Variants in ITGA1 observed in about 807,000 individuals in gnomAD.
The protein encoded by ITGA1 is integrin subunit alpha 1, also known as integrin alpha-1.
In ITGA1, 85 loss-of-function variants were observed where a neutral mutation model predicts 145.9. That is an observed-to-expected ratio of 0.58 (90% CI 0.49 to 0.70). The LOEUF is 0.70. Ranked by LOEUF, ITGA1 falls within the 30% of genes least tolerant of loss-of-function variation. ITGA1 has a pLI of 0.00. For missense variants in ITGA1, 1,351 were observed against 1,418.7 expected, an observed-to-expected ratio of 0.95 and a Z score of 0.77; for synonymous variants, 520 against 495.3, an observed-to-expected ratio of 1.05 and a Z score of -0.66.
At chr5:52,839,088 C>A (rs1180583987) in intron 1 of ITGA1, among the ~76,000 whole-genome samples, 3 of 152,080 alleles carry the variant, frequency 2.0e-5, no homozygotes, top group Non-Finnish European at 2.9e-5. Context: ...CTGAGTGAGA[C>A]CCTGCCTCAA....
Position 52,819,695 on chromosome 5 carries a change from C to T in ITGA1, c.62-29670C>T, listed in dbSNP as rs868128444. 7.0e-3 allele frequency among the ~76,000 whole-genome samples: 1,059 copies of T among 152,112 alleles called. 11 individuals are homozygous for T. Among genetic ancestry groups the T allele is most frequent in the African/African-American group, 0.024 (983 of 41,492 alleles). ...TGTTGGCTTTTGTTGCCATTGCTTT[C>T]GGTGTTTTAGACATGAAGTCCTTGC... On this transcript the variant is annotated intron_variant, in intron 1 of 28. Transcript: ENST00000282588.
chr5:52,832,225 C>T (rs1561221483), intron 1 of ITGA1, among the ~76,000 whole-genome samples: 1 of 152,118 alleles, frequency 6.6e-6, no homozygotes, highest in East Asian at 1.9e-4. Context: ...CTACTCCAGG[C>T]TGCCAACCTG....
chr5:52,931,750 C>A, intron 21 of ITGA1: 1 of 207,364 alleles, frequency 4.8e-6, no homozygotes, highest in Non-Finnish European at 9.6e-6. Context: ...GCCCAGTAAC[C>A]TTTGTATTTT....
At chr5:52,898,769 T>C (rs1750270540) in intron 11 of ITGA1, among the ~76,000 whole-genome samples, 1 of 152,178 alleles carries the variant, frequency 6.6e-6, no homozygotes, top group South Asian at 2.1e-4. Context: ...AAACTCATAT[T>C]GTCTTAAATG....
At chr5:52,945,811 A>T (rs1751126474) in intron 27 of ITGA1, among the ~76,000 whole-genome samples, 1 of 152,320 alleles carries the variant, frequency 6.6e-6, no homozygotes, top group African/African-American at 2.4e-5. Flanking sequence ...AAATTTTTCC[A>T]ATATCAATGA....
chr5:52,908,034 A>C (rs1261652954), intron 12 of ITGA1, among the ~76,000 whole-genome samples: 1 of 152,202 alleles, frequency 6.6e-6, no homozygotes, highest in Non-Finnish European at 1.5e-5. Context: ...ATTTTTAAGA[A>C]GGATTGGTCA....
intron 1 of ITGA1, chr5:52,800,936 C>T: frequency 1.2e-6 from 2 of 1,614,140 alleles, no homozygotes; most frequent in African/African-American, 1.3e-5. Context: ...CATGACCGGG[C>T]CTTGGAGCGG....
At chr5:52,830,274 G>GT (rs1749038315) in intron 1 of ITGA1, among the ~76,000 whole-genome samples, 1 of 151,946 alleles carries the variant, frequency 6.6e-6, no homozygotes, top group African/African-American at 2.4e-5. Flanking sequence ...TTTTCTCTCA[G>GT]TTTTTCTTTT....
intron 20 of ITGA1, among the ~76,000 whole-genome samples, chr5:52,927,963 G>A (rs1440523427): frequency 2.0e-5 from 3 of 152,124 alleles, no homozygotes; most frequent in Non-Finnish European, 4.4e-5. Flanking sequence ...AGGCTTGAGG[G>A]AGACTGCTCA....
At chr5:52,861,426 A>G (rs1749599107) in intron 2 of ITGA1, 21 bp from the exon 3 acceptor site, 1 of 1,450,488 alleles carries the variant, frequency 6.9e-7, no homozygotes, top group African/African-American at 1.4e-5. Flanking sequence ...AAAAATGTTT[A>G]CTGATTTATT....
chr5:52,792,542 T>A (rs561013055), intron 1 of ITGA1, among the ~76,000 whole-genome samples: 1 of 152,300 alleles, frequency 6.6e-6, no homozygotes, highest in South Asian at 2.1e-4. Flanking sequence ...CATGAGCTCT[T>A]GGGCCACAGC....
Position 52,937,427 on chromosome 5 carries a change from G to A in ITGA1, c.2991G>A (p.Met997Ile), listed in dbSNP as rs2111896774. 6.2e-7 allele frequency: 1 copy of A among 1,612,782 alleles called. No individual in the cohort carries two copies. ...YLIRKSGSFP[M>I]PELKLSISFP... Reference sequence around the variant, plus strand: ...TTAGAAAAAGTGGATCTTTTCCAATGCCAGAGCTTAAGCTGTCAATTTCAT... The same window carrying A: ...TTAGAAAAAGTGGATCTTTTCCAATACCAGAGCTTAAGCTGTCAATTTCAT... The change falls in exon 24 of 29, where the codon ATG (methionine) becomes ATA (isoleucine). Residue 997 changes from methionine to isoleucine, a missense_variant. Transcript: ENST00000282588.
intron 11 of ITGA1, 40 bp from the exon 12 acceptor site, chr5:52,905,723 A>G: frequency 6.4e-7 from 1 of 1,571,892 alleles, no homozygotes; most frequent in Non-Finnish European, 8.7e-7. Context: ...TGAAGCCTTT[A>G]AGGGTCCAGG....
At chr5:52,790,749 G>C (rs1208748679) in intron 1 of ITGA1, among the ~76,000 whole-genome samples, 1 of 152,092 alleles carries the variant, frequency 6.6e-6, no homozygotes, top group Non-Finnish European at 1.5e-5. Flanking sequence ...CATCTTCCAA[G>C]TCCCTTTTAC....
At chr5:52,896,161 T>C (rs1049086699) in intron 9 of ITGA1, among the ~76,000 whole-genome samples, 4 of 152,148 alleles carry the variant, frequency 2.6e-5, no homozygotes, top group Non-Finnish European at 5.9e-5. Flanking sequence ...AGGGAGAAGT[T>C]TGAAGCAAGA....
intron 1 of ITGA1, chr5:52,801,061 C>T (rs1407995005): frequency 6.2e-7 from 1 of 1,613,144 alleles, no homozygotes; most frequent in Non-Finnish European, 8.5e-7. Flanking sequence ...CTACCTGTTT[C>T]AACAAGCAGT....
chr5:52,788,286 C>T lies in ITGA1; in HGVS notation c.-68C>T. On this transcript the variant is annotated 5_prime_UTR_variant, in exon 1 of 29. Coordinates refer to ENST00000282588, the MANE Select transcript of ITGA1 (RefSeq NM_181501.2). ...CGGGATAAGTGGCCCAGCCAGAGAGCGCAGCTCCCGCGCCCGGTCCTGCCC... is the reference window on the plus strand; with the variant it reads ...CGGGATAAGTGGCCCAGCCAGAGAGTGCAGCTCCCGCGCCCGGTCCTGCCC... 1.6e-6 allele frequency: 2 copies of T among 1,260,886 alleles called. No individual in the cohort carries two copies. Among genetic ancestry groups the T allele is most frequent in the African/African-American group, 3.2e-5 (2 of 63,276 alleles). 78.1% of individuals were successfully genotyped at this position (1,260,886 alleles called of 1,614,324 possible). A position where few individuals can be genotyped will look rare whatever the true frequency, so the allele number is the denominator to read the frequency against.
At chr5:52,905,515 G>T (rs965691008) in intron 11 of ITGA1, 2 of 290,872 alleles carry the variant, frequency 6.9e-6, no homozygotes, top group Admixed American at 4.7e-5. Flanking sequence ...TATATCATTT[G>T]TGATTTTAAA....
intron 6 of ITGA1, among the ~76,000 whole-genome samples, chr5:52,871,179 G>A (rs576881691): frequency 5.2e-4 from 79 of 152,100 alleles, no homozygotes; most frequent in Admixed American, 1.1e-3. Context: ...TCGCCTTGTT[G>A]GTTTTAATTT....
Sources: allele counts gnomAD v4.1 joint callset (sites outside exome capture counted in the v4.1 genomes callset), GRCh38; gene constraint gnomAD v4.1.1; transcripts MANE v1.5; gene names NCBI Gene and HGNC (gene_info 2026-07-23, HGNC 2026-07-21).